GRM8: variants seen among roughly 807,000 people sequenced by gnomAD.
GRM8 encodes glutamate metabotropic receptor 8.
In GRM8, 47 loss-of-function variants were observed where a neutral mutation model predicts 87.2. The ratio of observed to expected loss-of-function variants is 0.54; its 90% CI spans 0.43 to 0.69. GRM8 has a LOEUF of 0.69. GRM8 is among the 30% of genes least tolerant of loss of function. The probability of loss-of-function intolerance (pLI) is 0.00; values close to 1 mark genes in which losing one functional copy is unlikely to be tolerated. For synonymous variants in GRM8, 396 were observed against 404.5 expected (o/e 0.98, Z 0.25); for missense variants, 1,019 against 1,139.2 (o/e 0.89, Z 1.52).
intron 3 of GRM8, among the ~76,000 whole-genome samples, chr7:126,964,152 T>A (rs1045721421): frequency 1.3e-5 from 2 of 151,890 alleles, no homozygotes; most frequent in Admixed American, 1.3e-4. Context: ...TTACACCTTA[T>A]ACAAAAATTA....
intron 9 of GRM8, among the ~76,000 whole-genome samples, chr7:126,464,461 T>A (rs1291187901): frequency 6.6e-6 from 1 of 151,770 alleles, no homozygotes; most frequent in African/African-American, 2.4e-5. Context: ...TTTAGCCTAT[T>A]TACATTCAAT....
At chr7:127,072,064 C>T (rs1156653) in intron 3 of GRM8, among the ~76,000 whole-genome samples, 52,692 of 151,758 alleles carry the variant, frequency 0.35, 9,603 homozygotes, top group Non-Finnish European at 0.41. Context: ...TTCTTCCCAC[C>T]GAGACATGGT....
At chr7:127,014,463 G>A (rs1188232972) in intron 3 of GRM8, among the ~76,000 whole-genome samples, 1 of 152,116 alleles carries the variant, frequency 6.6e-6, no homozygotes, top group Non-Finnish European at 1.5e-5. Context: ...CTTTGGGACT[G>A]AATTCTGACT....
intron 9 of GRM8, among the ~76,000 whole-genome samples, chr7:126,462,569 AT>A (rs1411568748): frequency 6.6e-6 from 1 of 151,608 alleles, no homozygotes; most frequent in African/African-American, 2.4e-5. Flanking sequence ...AACATAAAAC[AT>A]TTTTAAGTTG....
intron 7 of GRM8, among the ~76,000 whole-genome samples, chr7:126,747,346 C>A (rs1585763319): frequency 1.3e-5 from 2 of 152,094 alleles, no homozygotes. Flanking sequence ...GCATTCCTAG[C>A]CACTTGCCCT....
chr7:127,180,219 C>T (rs908398685), intron 2 of GRM8, among the ~76,000 whole-genome samples: 3 of 151,886 alleles, frequency 2.0e-5, no homozygotes, highest in African/African-American at 4.8e-5. Flanking sequence ...GCTACTATGA[C>T]GCATTTACGC....
At chr7:126,471,966 G>A (rs1217060009) in intron 9 of GRM8, among the ~76,000 whole-genome samples, 5 of 152,164 alleles carry the variant, frequency 3.3e-5, no homozygotes, top group Admixed American at 1.3e-4. Flanking sequence ...GTGAATGGGA[G>A]TTCACTCATG....
chr7:126,677,839 G>T (rs1159657855), intron 7 of GRM8, among the ~76,000 whole-genome samples: 1 of 152,154 alleles, frequency 6.6e-6, no homozygotes, highest in Non-Finnish European at 1.5e-5. Flanking sequence ...ATTCGTAAAG[G>T]TATTGAAATA....
At chr7:126,631,396 C>T (rs559056974) in intron 7 of GRM8, among the ~76,000 whole-genome samples, 5 of 151,932 alleles carry the variant, frequency 3.3e-5, no homozygotes, top group South Asian at 2.1e-4. Context: ...CACAAACAAA[C>T]GGAAACTCAT....
intron 2 of GRM8, among the ~76,000 whole-genome samples, chr7:127,107,518 G>T (rs1309713606): frequency 6.6e-6 from 1 of 152,200 alleles, no homozygotes; most frequent in East Asian, 1.9e-4. Context: ...CCATGCTGTG[G>T]TATGAGTGAA....
rs746677632 is a variant in GRM8 at position 126,467,464 on chromosome 7, T to C, written c.2431-21092A>G. 5.9e-5 allele frequency among the ~76,000 whole-genome samples: 9 copies of C among 152,052 alleles called. 1 individual carries two copies. Among genetic ancestry groups the C allele is most frequent in the Non-Finnish European group, 1.2e-4 (8 of 67,990 alleles). Reference sequence around the variant, plus strand: ...CTTTTTTCATATTCCATTTATAGTATCTTAAGGCTTTTATGATTAGACAAA... The same window carrying C: ...CTTTTTTCATATTCCATTTATAGTACCTTAAGGCTTTTATGATTAGACAAA... On this transcript the variant is annotated intron_variant, in intron 9 of 10. Coordinates refer to ENST00000339582, the MANE Select transcript of GRM8 (RefSeq NM_000845.3).
intron 3 of GRM8, among the ~76,000 whole-genome samples, chr7:127,103,587 G>A (rs1273307301): frequency 6.6e-6 from 1 of 152,110 alleles, no homozygotes; most frequent in African/African-American, 2.4e-5. Flanking sequence ...AAGCAGGAAT[G>A]GTCTAACACA....
At chr7:126,521,519 C>G (rs1399375392) in intron 9 of GRM8, among the ~76,000 whole-genome samples, 2 of 151,812 alleles carry the variant, frequency 1.3e-5, no homozygotes, top group Non-Finnish European at 2.9e-5. Flanking sequence ...AATACAGAAC[C>G]CTGCGGATTA....
At chr7:126,750,456 TG>T (rs374913185) in intron 7 of GRM8, among the ~76,000 whole-genome samples, 14 of 152,046 alleles carry the variant, frequency 9.2e-5, no homozygotes, top group African/African-American at 1.9e-4. Context: ...TTGAAATTGA[TG>T]GGTTTTACCG....
chr7:126,471,875 G>A (rs1022371857), intron 9 of GRM8, among the ~76,000 whole-genome samples: 14 of 152,076 alleles, frequency 9.2e-5, no homozygotes, highest in African/African-American at 3.4e-4. Context: ...ATTGAACAGT[G>A]GTTTGTAGTT....
chr7:126,782,929 T>C (rs1820237711), intron 6 of GRM8, among the ~76,000 whole-genome samples: 1 of 152,170 alleles, frequency 6.6e-6, no homozygotes, highest in African/African-American at 2.4e-5. Flanking sequence ...TCGCAATCTG[T>C]CTGGGAGAGT....
chr7:126,561,315 A>T (rs1186027999), intron 8 of GRM8, among the ~76,000 whole-genome samples: 4 of 152,112 alleles, frequency 2.6e-5, no homozygotes, highest in Admixed American at 2.0e-4. Context: ...CACTAAAAAT[A>T]TAAAAATTAG....
intron 7 of GRM8, among the ~76,000 whole-genome samples, chr7:126,762,262 C>T (rs566630662): frequency 2.1e-4 from 32 of 151,424 alleles, no homozygotes; most frequent in African/African-American, 6.1e-4. Flanking sequence ...TTGTAAAGAA[C>T]GCCTTTGACT....
At chr7:126,464,756 T>C (rs547534447) in intron 9 of GRM8, among the ~76,000 whole-genome samples, 2 of 151,776 alleles carry the variant, frequency 1.3e-5, no homozygotes, top group Non-Finnish European at 2.9e-5. Context: ...AACAAACTAA[T>C]AAGCAAAGAG....
Sources: gnomAD v4.1 joint callset for allele counts (sites outside exome capture counted in the v4.1 genomes callset) on GRCh38, gnomAD v4.1.1 for gene constraint, MANE v1.5 for transcripts, NCBI Gene and HGNC (gene_info 2026-07-23, HGNC 2026-07-21) for gene names.